GPAT3: variants seen among roughly 807,000 people sequenced by gnomAD.
The protein encoded by GPAT3 is 1-AGP acyltransferase 9.
Under a neutral mutation model 58.8 loss-of-function variants are expected in GPAT3, and 53 were observed. That is an observed-to-expected ratio of 0.90 (90% CI 0.72 to 1.13). The LOEUF (loss-of-function observed/expected upper bound fraction) is 1.13, where lower values mean the gene tolerates loss of function less well. GPAT3 is among the 50% of genes most tolerant of loss of function. GPAT3 has a pLI of 0.00. For synonymous variants in GPAT3, 197 were observed against 187.4 expected (o/e 1.05, Z -0.42); for missense variants, 511 against 527.6 (o/e 0.97, Z 0.31).
intron 2 of GPAT3, among the ~76,000 whole-genome samples, chr4:83,577,720 A>C (rs971270365): frequency 6.6e-6 from 1 of 151,110 alleles, no homozygotes; most frequent in Non-Finnish European, 1.5e-5. Context: ...CATCTTTACC[A>C]GTACTTCACA....
upstream of GPAT3, chr4:83,535,685 G>GCTTC (rs1375494707): frequency 1.0e-6 from 1 of 985,104 alleles, no homozygotes; most frequent in Non-Finnish European, 1.2e-6. Context: ...CGTGGAGAGA[G>GCTTC]CTTCCTACTC....
At chr4:83,588,615 T>G (rs2110103396) in intron 5 of GPAT3, among the ~76,000 whole-genome samples, 1 of 152,336 alleles carries the variant, frequency 6.6e-6, no homozygotes, top group Middle Eastern at 3.4e-3. Flanking sequence ...GGAAGAAATG[T>G]AAGCTTTGGG....
At chr4:83,546,981 T>G (rs1724543752) in intron 2 of GPAT3, among the ~76,000 whole-genome samples, 1 of 151,962 alleles carries the variant, frequency 6.6e-6, no homozygotes, top group South Asian at 2.1e-4. Context: ...ATCTGAGAAG[T>G]AGTGTCACAA....
intron 2 of GPAT3, among the ~76,000 whole-genome samples, chr4:83,554,503 A>G (rs1246506920): frequency 1.3e-5 from 2 of 152,158 alleles, no homozygotes; most frequent in African/African-American, 2.4e-5. Context: ...ACCTGTCAAT[A>G]ATAATAATCA....
intron 11 of GPAT3, among the ~76,000 whole-genome samples, chr4:83,599,723 A>G (rs1282050090): frequency 6.6e-6 from 1 of 152,180 alleles, no homozygotes; most frequent in Non-Finnish European, 1.5e-5. Flanking sequence ...TTGTTTGAGG[A>G]AGATTGAATA....
chr4:83,598,360 A>G (rs1462462691), intron 10 of GPAT3, among the ~76,000 whole-genome samples, 181 bp downstream of exon 10: 1 of 152,174 alleles, frequency 6.6e-6, no homozygotes, highest in East Asian at 1.9e-4. Flanking sequence ...ATTATTTTCC[A>G]CGATGGTTTT....
In GPAT3 at chr4:83,566,408, A is replaced by G. The variant is rs1398620449; in HGVS notation, c.209-15154A>G. Among the ~76,000 whole-genome samples the G allele has an allele frequency of 4.3e-5, 6 of 138,036 alleles. No homozygotes were observed. The East Asian group carries it at 8.1e-4, about 19-fold the overall frequency. 90.6% of individuals were successfully genotyped at this position (138,036 alleles called of 152,430 possible). ...TTTCCTATTTATTCTTTTTTTTAAAAAATTAATTAATTTATTATTATTATT... is the reference window on the plus strand; with the variant it reads ...TTTCCTATTTATTCTTTTTTTTAAAGAATTAATTAATTTATTATTATTATT... On this transcript the variant is annotated intron_variant, in intron 2 of 11. Transcript: ENST00000264409.
intron 9 of GPAT3, among the ~76,000 whole-genome samples, chr4:83,597,747 A>G (rs530835334): frequency 2.0e-5 from 3 of 152,208 alleles, no homozygotes; most frequent in Admixed American, 2.0e-4. Flanking sequence ...TCATAGTGTT[A>G]AGTGAAACAG....
At chr4:83,542,815 T>C (rs1247626135) in intron 1 of GPAT3, among the ~76,000 whole-genome samples, 1 of 151,372 alleles carries the variant, frequency 6.6e-6, no homozygotes, top group Non-Finnish European at 1.5e-5. Context: ...CTGGACAACA[T>C]AGTGAAACCC....
intron 3 of GPAT3, 142 bp from the exon 4 acceptor site, chr4:83,587,113 T>C: frequency 1.5e-6 from 1 of 664,884 alleles, no homozygotes; most frequent in Non-Finnish European, 2.6e-6. Context: ...TATATAGATT[T>C]ACCCAGTTAT....
intron 2 of GPAT3, among the ~76,000 whole-genome samples, chr4:83,571,962 G>A (rs1194970111): frequency 6.6e-6 from 1 of 151,888 alleles, no homozygotes; most frequent in Non-Finnish European, 1.5e-5. Flanking sequence ...TGTAGAGACG[G>A]GGGTTTCACT....
chr4:83,550,153 C>G (rs921252624), intron 2 of GPAT3, among the ~76,000 whole-genome samples: 2 of 152,056 alleles, frequency 1.3e-5, no homozygotes, highest in Admixed American at 6.6e-5. Flanking sequence ...TGTGAGCCAC[C>G]ATGCCCAGCT....
At chr4:83,587,115 C>A in intron 3 of GPAT3, 140 bp from the exon 4 acceptor site, 1 of 666,326 alleles carries the variant, frequency 1.5e-6, no homozygotes, top group South Asian at 1.9e-5. Context: ...TATAGATTTA[C>A]CCAGTTATTT....
At chr4:83,535,643 A>T, upstream of GPAT3, 1 of 938,196 alleles carries the variant, frequency 1.1e-6, no homozygotes, top group Non-Finnish European at 1.3e-6. Context: ...TTTCTGTGCC[A>T]GGGAGATGGC....
At chr4:83,591,515 T>C (rs1726599943) in intron 6 of GPAT3, among the ~76,000 whole-genome samples, 2 of 152,192 alleles carry the variant, frequency 1.3e-5, no homozygotes, top group Non-Finnish European at 2.9e-5. Context: ...AATTAGTTGA[T>C]AGTTATGTAC....
chr4:83,587,797 T>G (rs1401221268), intron 4 of GPAT3, among the ~76,000 whole-genome samples: 1 of 152,196 alleles, frequency 6.6e-6, no homozygotes, highest in African/African-American at 2.4e-5. Flanking sequence ...AGTCTTTGAT[T>G]TTTTTAAATC....
chr4:83,567,698 T>C (rs1475930286), intron 2 of GPAT3, among the ~76,000 whole-genome samples: 2 of 152,146 alleles, frequency 1.3e-5, no homozygotes, highest in African/African-American at 4.8e-5. Context: ...TTTGGGAGGC[T>C]GAGGCGGGTG....
chr4:83,536,587 C>T lies in GPAT3; in HGVS notation c.-36C>T, dbSNP rs1301337470. ...AGGGACTGCTGTGGCGCTCGGCCCT[C>T]CACTGCGGACCTCTCCTGAGTGGGT... On this transcript the variant is annotated 5_prime_UTR_variant, in exon 1 of 12. Coordinates refer to ENST00000264409, the MANE Select transcript of GPAT3 (RefSeq NM_032717.5). 6.2e-7 allele frequency: 1 copy of T among 1,602,002 alleles called. No individual in the cohort carries two copies. Among genetic ancestry groups the T allele is most frequent in the East Asian group, 2.2e-5 (1 of 44,688 alleles).
chr4:83,594,745 C>A, intron 6 of GPAT3, 100 bp from the exon 7 acceptor site: 1 of 934,542 alleles, frequency 1.1e-6, no homozygotes, highest in Non-Finnish European at 1.7e-6. Flanking sequence ...GAAGGCCAAT[C>A]ATATTTTTGA....
Sources: gnomAD v4.1 joint callset for allele counts (sites outside exome capture counted in the v4.1 genomes callset) on GRCh38, gnomAD v4.1.1 for gene constraint, MANE v1.5 for transcripts, NCBI Gene and HGNC (gene_info 2026-07-23, HGNC 2026-07-21) for gene names.